Variants in ITCH observed in about 807,000 individuals in gnomAD.
ITCH encodes the protein itchy E3 ubiquitin protein ligase, also known as E3 ubiquitin-protein ligase Itchy homolog.
Under a neutral mutation model 126.8 loss-of-function variants are expected in ITCH, and 28 were observed. The ratio of observed to expected loss-of-function variants is 0.22; its 90% CI spans 0.16 to 0.30. ITCH has a LOEUF of 0.30. Ranked by LOEUF, ITCH falls within the 10% of genes least tolerant of loss-of-function variation. The probability of loss-of-function intolerance (pLI) is 1.00; values close to 1 mark genes in which losing one functional copy is unlikely to be tolerated. For missense variants in ITCH, 631 were observed against 1,032.4 expected (o/e 0.61, Z 5.33); for synonymous variants, 342 against 340.0 (o/e 1.01, Z -0.06).
At chr20:34,487,274 A>G (rs1436009544) in intron 20 of ITCH, among the ~76,000 whole-genome samples, 1 of 152,200 alleles carries the variant, frequency 6.6e-6, no homozygotes, top group East Asian at 1.9e-4. Flanking sequence ...AGCCTCCCGA[A>G]GTGCTGGGAT....
At chr20:34,484,680 TG>T (rs1350868631) in intron 20 of ITCH, among the ~76,000 whole-genome samples, 8 of 152,298 alleles carry the variant, frequency 5.3e-5, no homozygotes, top group African/African-American at 1.9e-4. Flanking sequence ...TTTCAGAGTT[TG>T]GGGGGTTTTT....
intron 14 of ITCH, among the ~76,000 whole-genome samples, 153 bp from the exon 15 acceptor site, chr20:34,469,895 C>G (rs1026587166): frequency 6.6e-6 from 1 of 152,168 alleles, no homozygotes; most frequent in African/African-American, 2.4e-5. Context: ...GGGGAAATAT[C>G]TCTCAAAAAG....
rs562278807 is a variant in ITCH at position 34,475,022 on chromosome 20, G to A, written c.1570-2750G>A. Among the ~76,000 whole-genome samples the A allele has an allele frequency of 4.1e-4, 62 of 151,550 alleles. 1 individual carries two copies. The East Asian group carries it at 0.011, about 28-fold the overall frequency. ...GCGCTCCTCACATCCCAGACGGGGC[G>A]GCGGGGCAGAGGCGCTCCCCACATC... is the stretch of plus-strand genomic sequence containing the variant. On this transcript the variant is annotated intron_variant, in intron 16 of 24. Transcript: ENST00000374864.
intron 6 of ITCH, among the ~76,000 whole-genome samples, chr20:34,417,690 G>A (rs977364956): frequency 1.4e-5 from 2 of 147,038 alleles, no homozygotes; most frequent in African/African-American, 5.0e-5. Context: ...ATGAGCCACT[G>A]CGCCTGGCCC....
At chr20:34,420,684 A>T (rs1453664967) in intron 6 of ITCH, among the ~76,000 whole-genome samples, 1 of 152,058 alleles carries the variant, frequency 6.6e-6, no homozygotes, top group African/African-American at 2.4e-5. Context: ...AATTTTTTTT[A>T]AAACATTCTC....
Position 34,420,604 on chromosome 20 carries a change from G to T in ITCH, c.476-3876G>T, listed in dbSNP as rs4911424. 1.6e-3 allele frequency among the ~76,000 whole-genome samples: 238 copies of T among 152,268 alleles called. 3 individuals are homozygous for T. Among genetic ancestry groups the T allele is most frequent in the Admixed American group, 0.011 (167 of 15,304 alleles). On this transcript the variant is annotated intron_variant, in intron 6 of 24. Coordinates refer to ENST00000374864, the MANE Select transcript of ITCH (RefSeq NM_031483.7). ...TCATTTCTTTTGGATATATACCTAG[G>T]AGTAGAATTGCTGATGCTTGTTTTT...
At chr20:34,504,043 G>C (rs566721456) in intron 23 of ITCH, among the ~76,000 whole-genome samples, 2 of 151,916 alleles carry the variant, frequency 1.3e-5, no homozygotes, top group African/African-American at 2.4e-5. Flanking sequence ...ACCACACTTG[G>C]CTAGTTTTTG....
At chr20:34,464,692 T>C (rs1986881309) in intron 14 of ITCH, among the ~76,000 whole-genome samples, 1 of 151,884 alleles carries the variant, frequency 6.6e-6, no homozygotes, top group Admixed American at 6.6e-5. Flanking sequence ...CCAAATCCAG[T>C]GTCATAAAGC....
intron 6 of ITCH, chr20:34,417,151 C>T (rs1214330977): frequency 1.5e-6 from 1 of 683,960 alleles, no homozygotes; most frequent in South Asian, 1.5e-5. Flanking sequence ...GGCTGGAGTG[C>T]AATAGTGCGA....
At chr20:34,395,389 T>C (rs1355284438) in intron 3 of ITCH, among the ~76,000 whole-genome samples, 1 of 152,154 alleles carries the variant, frequency 6.6e-6, no homozygotes, top group Non-Finnish European at 1.5e-5. Flanking sequence ...AACTTCATGC[T>C]GTACTTTGAG....
chr20:34,484,502 G>C (rs932376568), intron 20 of ITCH, among the ~76,000 whole-genome samples: 2 of 152,066 alleles, frequency 1.3e-5, no homozygotes, highest in African/African-American at 4.8e-5. Context: ...GTTATGATAT[G>C]TCTAGATTTT....
chr20:34,374,932 G>A (rs2037776906), intron 2 of ITCH, among the ~76,000 whole-genome samples: 1 of 149,838 alleles, frequency 6.7e-6, no homozygotes, highest in Non-Finnish European at 1.5e-5. Flanking sequence ...GTAGAGATAG[G>A]GTTTCATCAT....
At chr20:34,487,951 AAAG>A (rs1413024979) in intron 20 of ITCH, among the ~76,000 whole-genome samples, 6 of 152,214 alleles carry the variant, frequency 3.9e-5, no homozygotes, top group Non-Finnish European at 7.3e-5. Context: ...AAAAAAAAGA[AAAG>A]AAGCTCATAA....
intron 3 of ITCH, 62 bp from the exon 4 acceptor site, chr20:34,408,589 A>G: frequency 1.4e-6 from 2 of 1,463,452 alleles, no homozygotes; most frequent in Non-Finnish European, 9.5e-7. Context: ...ATGAAGTTAA[A>G]TTGATTTCAT....
At chr20:34,377,886 T>G (rs1197853815) in intron 2 of ITCH, among the ~76,000 whole-genome samples, 5 of 150,604 alleles carry the variant, frequency 3.3e-5, no homozygotes, top group African/African-American at 1.2e-4. Context: ...AAAAAAAAAA[T>G]TATGATTCAG....
At chr20:34,448,392 C>CA (rs1349817852) in intron 11 of ITCH, among the ~76,000 whole-genome samples, 572 of 128,268 alleles carry the variant, frequency 4.5e-3, no homozygotes, top group Middle Eastern at 7.8e-3. Flanking sequence ...GACTCCATCT[C>CA]AAAAAAAAAA....
At chr20:34,435,495 G>A (rs1029322671) in intron 7 of ITCH, among the ~76,000 whole-genome samples, 1 of 152,008 alleles carries the variant, frequency 6.6e-6, no homozygotes, top group Admixed American at 6.6e-5. Flanking sequence ...TAAGAGGGGA[G>A]AAAAGAGTTT....
intron 20 of ITCH, among the ~76,000 whole-genome samples, chr20:34,483,128 T>G (rs1988874392): frequency 8.2e-6 from 1 of 122,144 alleles, no homozygotes; most frequent in African/African-American, 3.0e-5. Context: ...ATGAAACCAT[T>G]TTTAGCTCCT....
intron 14 of ITCH, among the ~76,000 whole-genome samples, chr20:34,467,762 C>T (rs1376681303): frequency 1.4e-5 from 2 of 144,498 alleles, no homozygotes; most frequent in South Asian, 2.2e-4. Context: ...CTCGGCTCAC[C>T]GCAACCTCGG....
Sources: allele counts gnomAD v4.1 joint callset (sites outside exome capture counted in the v4.1 genomes callset), GRCh38; gene constraint gnomAD v4.1.1; transcripts MANE v1.5; gene names NCBI Gene and HGNC (gene_info 2026-07-23, HGNC 2026-07-21).